ARHGAP11B: variants seen among roughly 807,000 people sequenced by gnomAD.
The protein encoded by ARHGAP11B is inactive Rho GTPase-activating protein 11B.
A neutral mutation model predicts 27.6 loss-of-function variants in ARHGAP11B; 14 were observed. The observed-to-expected ratio is 0.51, with a 90% CI of 0.34 to 0.79. The LOEUF (loss-of-function observed/expected upper bound fraction) is 0.79, where lower values mean the gene tolerates loss of function less well. ARHGAP11B is among the 30% of genes least tolerant of loss of function. ARHGAP11B has a pLI of 0.02. For missense variants in ARHGAP11B, 245 were observed against 320.1 expected (o/e 0.77, Z 1.79); for synonymous variants, 82 against 114.1 (o/e 0.72, Z 1.80).
intron 3 of ARHGAP11B, 61 bp downstream of exon 3, chr15:30,633,647 A>G (rs1567512692): frequency 6.7e-7 from 1 of 1,489,706 alleles, no homozygotes; most frequent in African/African-American, 1.4e-5. Context: ...GGTTTTTAAA[A>G]CTGAAATATT....
intron 1 of ARHGAP11B, among the ~76,000 whole-genome samples, chr15:30,627,180 A>G (rs931433779): frequency 6.6e-6 from 1 of 151,888 alleles, no homozygotes; most frequent in African/African-American, 2.4e-5. Context: ...CAACTTCAGC[A>G]CTATTGACAT....
At chr15:30,626,715 G>C in exon 1 of ARHGAP11B, 7 of 1,484,376 alleles carry the variant, frequency 4.7e-6, no homozygotes, top group Non-Finnish European at 6.3e-6. Flanking sequence ...GGGCCGGAAA[G>C]CAGCCGAGCG....
At position 30,634,251 on chromosome 15, in the gene ARHGAP11B, G is replaced by A. The variant is rs1364955042; in HGVS notation, c.379G>A (p.Glu127Lys). The change falls in exon 4 of 11, where the codon GAA becomes AAA. Residue 127 changes from glutamate to lysine, a missense_variant. By Grantham distance (56) the Glu-to-Lys change is moderately conservative. This residue lies in a region of ARHGAP11B where 9 missense variants were observed against 38.3 expected (regional missense o/e 0.23). Coordinates refer to ENST00000428041, the Ensembl canonical transcript of ARHGAP11B. ...GGGACTTCTTAAGCAGTTTTTTAGG[G>A]AACTGCCAGAGCCCATTCTCCCAGC... The A allele has an allele frequency of 1.9e-6, 3 of 1,612,272 alleles. No homozygotes were observed. In the East Asian group the frequency reaches 6.7e-5, roughly 36 times the overall value.
At chr15:30,632,407 C>A (rs1438263083) in intron 2 of ARHGAP11B, among the ~76,000 whole-genome samples, 1 of 150,484 alleles carries the variant, frequency 6.6e-6, no homozygotes, top group African/African-American at 2.5e-5. Context: ...CAGAGCGAGA[C>A]ACTGTCTCAA....
In ARHGAP11B at chr15:30,626,638, A is replaced by G. The variant is rs2060209001; in HGVS notation, c.-183A>G. On this transcript the variant is annotated 5_prime_UTR_variant, in exon 1 of 11. An upstream start codon of the reference 5' UTR is lost. Transcript: ENST00000428041. Reference sequence around the variant, plus strand: ...AAGAGAAGCGGGTCTGTGTAAGTGGATGTGAGTGAGGATCAAGGAAAAGCC... The same window carrying G: ...AAGAGAAGCGGGTCTGTGTAAGTGGGTGTGAGTGAGGATCAAGGAAAAGCC... 3 of 756,702 alleles carry G rather than the reference A, an allele frequency of 4.0e-6. No homozygotes were observed. In the Admixed American group the frequency reaches 8.9e-5, roughly 22 times the overall value. 46.9% of individuals were successfully genotyped at this position (756,702 alleles called of 1,614,324 possible).
At chr15:30,632,151 G>A (rs2060249755) in intron 2 of ARHGAP11B, among the ~76,000 whole-genome samples, 1 of 16,192 alleles carries the variant, frequency 6.2e-5, no homozygotes, top group Admixed American at 1.1e-3. Context: ...GCCGGGCGCG[G>A]GGGCTCACGC....
intron 1 of ARHGAP11B, among the ~76,000 whole-genome samples, chr15:30,627,841 G>A (rs994161752): frequency 2.0e-5 from 3 of 151,950 alleles, no homozygotes; most frequent in Non-Finnish European, 4.4e-5. Context: ...AAAAGTGCTT[G>A]GAGAAGAAAA....
chr15:30,640,902 T>G (rs2060311360), intron 7 of ARHGAP11B, among the ~76,000 whole-genome samples: 1 of 139,780 alleles, frequency 7.2e-6, no homozygotes, highest in Non-Finnish European at 1.6e-5. Context: ...CATAGTTCAG[T>G]TTTTTTTTTT....
chr15:30,648,464 G>C lies in ARHGAP11B; in HGVS notation c.*532G>C, dbSNP rs2060365524. ...ATGACATAGGTTTAGGATTCAGACA[G>C]ACCTGGGTGTGGATCAAAGATCTGT... is the stretch of plus-strand genomic sequence containing the variant. On this transcript the variant is annotated 3_prime_UTR_variant, in exon 11 of 11. Transcript: ENST00000428041. Among the ~76,000 whole-genome samples, 2 of 152,018 alleles carry C rather than the reference G, an allele frequency of 1.3e-5. 1 individual carries two copies. The highest frequency in any genetic ancestry group is 4.1e-4 in the South Asian group (2 of 4,832).
exon 1 of ARHGAP11B, chr15:30,626,512 A>G: frequency 2.5e-6 from 1 of 398,414 alleles, no homozygotes; most frequent in East Asian, 4.2e-5. Flanking sequence ...AAACCGAAAG[A>G]ATCAGAAAGA....
intron 5 of ARHGAP11B, 113 bp from the exon 6 acceptor site, chr15:30,635,374 G>A (rs2060273024): frequency 6.9e-7 from 1 of 1,451,882 alleles, no homozygotes; most frequent in East Asian, 2.3e-5. Flanking sequence ...TACAGTACCG[G>A]CCCCTCCTGC....
At position 30,645,072 on chromosome 15, in the gene ARHGAP11B, A is replaced by G. The variant is rs1009355091; in HGVS notation, c.*142+370A>G. Among the ~76,000 whole-genome samples, 45 of 151,922 alleles carry G rather than the reference A, an allele frequency of 3.0e-4. 2 individuals carry two copies. Among genetic ancestry groups the G allele is most frequent in the Non-Finnish European group, 5.0e-4 (34 of 67,888 alleles). On this transcript the variant is annotated intron_variant, in intron 8 of 10. Coordinates refer to ENST00000428041, the Ensembl canonical transcript of ARHGAP11B. ...GACAACAAGGAAGGATTGGGATTCT[A>G]TTGGCGGGACCAGGACATTTGAGAA...
chr15:30,635,128 A>G (rs747195361), exon 5 of ARHGAP11B: 5 of 1,613,590 alleles, frequency 3.1e-6, no homozygotes, highest in Non-Finnish European at 4.2e-6. Context: ...TAATATTTGC[A>G]CCAAATCTTC....
chr15:30,646,211 C>T, exon 9 of ARHGAP11B: 1 of 1,062,738 alleles, frequency 9.4e-7, no homozygotes, highest in South Asian at 3.3e-5. Context: ...CGGGGACCTC[C>T]TGAGCCAAGT....
chr15:30,630,912 G>T (rs866049827), intron 2 of ARHGAP11B, 139 bp downstream of exon 2: 22 of 1,450,570 alleles, frequency 1.5e-5, no homozygotes, highest in East Asian at 7.1e-5. Flanking sequence ...AGACCTTGTC[G>T]CAAAAGATAG....
intron 6 of ARHGAP11B, 55 bp downstream of exon 6, chr15:30,635,688 C>T: frequency 1.9e-6 from 3 of 1,577,058 alleles, no homozygotes; most frequent in Non-Finnish European, 2.6e-6. Flanking sequence ...ATCGAAAGTA[C>T]ATTTCACATA....
rs746682624 is a variant in ARHGAP11B, at chr15:30,634,157, A to T, written c.298-13A>T. ...AGTTGCCAAAATACTCAAGATTATT[A>T]TATTTATTTCAGAATAAAGTGGATC... On this transcript the variant is annotated splice_polypyrimidine_tract_variant and intron_variant, in intron 3 of 10. Transcript: ENST00000428041. 2 of 1,606,604 alleles carry T rather than the reference A, an allele frequency of 1.2e-6. No individual in the cohort carries two copies. Among genetic ancestry groups the T allele is most frequent in the South Asian group, 1.1e-5 (1 of 90,224 alleles).
chr15:30,644,568 A>C, intron 7 of ARHGAP11B: 1 of 881,816 alleles, frequency 1.1e-6, no homozygotes, highest in Non-Finnish European at 1.8e-6. Context: ...ATTATCTGAT[A>C]TAAGGGACAT....
chr15:30,647,613 T>A (rs73377214), intron 9 of ARHGAP11B: 3,218 of 170,706 alleles, frequency 0.019, 117 homozygotes, highest in African/African-American at 0.073. Context: ...TTCTGTGTTG[T>A]GTGAGTTAAA....
Sources: gnomAD v4.1 joint callset for allele counts (sites outside exome capture counted in the v4.1 genomes callset) on GRCh38, gnomAD v4.1.1 for gene constraint, gnomAD v4.1.1 regional missense constraint, MANE v1.5 for transcripts, NCBI Gene and HGNC (gene_info 2026-07-23, HGNC 2026-07-21) for gene names.